The following ANTXR1 variants were observed in gnomAD, a reference collection of about 807,000 sequenced individuals.
ANTXR1 encodes the protein anthrax toxin receptor 1.
ANTXR1 carries 19 observed loss-of-function variants against 78.1 expected under a neutral mutation model. That is an observed-to-expected ratio of 0.24 (90% confidence interval 0.17 to 0.36). The LOEUF (loss-of-function observed/expected upper bound fraction) is 0.36. Ranked by LOEUF, ANTXR1 falls within the 10% of genes least tolerant of loss-of-function variation. ANTXR1 has a pLI of 1.00. For synonymous variants in ANTXR1, 273 were observed against 260.5 expected (o/e 1.05, Z -0.46); for missense variants, 518 against 718.6 (o/e 0.72, Z 3.19).
At chr2:69,108,589 A>C (rs917620604) in intron 10 of ANTXR1, among the ~76,000 whole-genome samples, 2 of 152,156 alleles carry the variant, frequency 1.3e-5, no homozygotes, top group Non-Finnish European at 2.9e-5. Context: ...AGTACCCATT[A>C]GTTATTTTTC....
At chr2:69,220,807 G>C (rs1165055699) in intron 17 of ANTXR1, among the ~76,000 whole-genome samples, 1 of 152,184 alleles carries the variant, frequency 6.6e-6, no homozygotes, top group African/African-American at 2.4e-5. Flanking sequence ...CTAAAGGATG[G>C]AACAGTTGAC....
intron 9 of ANTXR1, among the ~76,000 whole-genome samples, chr2:69,096,282 A>AAGGGAGGAAGGGAGGAAGGG: frequency 2.9e-5 from 1 of 34,640 alleles, no homozygotes; most frequent in South Asian, 8.4e-4. Flanking sequence ...GGAAGGAAGG[A>AAGGGAGGAAGGGAGGAAGGG]AGGAAGGGAG....
intron 8 of ANTXR1, among the ~76,000 whole-genome samples, chr2:69,089,631 A>C (rs1671163242): frequency 6.6e-6 from 1 of 152,222 alleles, no homozygotes; most frequent in Non-Finnish European, 1.5e-5. Flanking sequence ...TATATCACTT[A>C]AGCTGTAACA....
intron 9 of ANTXR1, among the ~76,000 whole-genome samples, chr2:69,096,306 G>A (rs7582431): frequency 0.62 from 10,443 of 16,790 alleles, 3,337 homozygotes; most frequent in East Asian, 0.79. Context: ...GGGAGGAAGG[G>A]AGGAAGGGAG....
rs564324055 is a variant in ANTXR1, at chr2:69,173,295, C to T, written c.1089+3006C>T. Among the ~76,000 whole-genome samples the T allele has an allele frequency of 2.0e-4, 30 of 152,312 alleles. No individual in the cohort carries two copies. In the South Asian group the frequency reaches 3.3e-3, roughly 17 times the overall value. ...TGTACAGAGCCCTCTCTCCTGACTC[C>T]ATCTGATATTTCTAGTCTTCATTTC... is the stretch of plus-strand genomic sequence containing the variant. On this transcript the variant is annotated intron_variant, in intron 14 of 17. Coordinates refer to ENST00000303714, the MANE Select transcript of ANTXR1 (RefSeq NM_032208.3).
At chr2:69,106,706 C>T (rs1671818710) in intron 10 of ANTXR1, among the ~76,000 whole-genome samples, 1 of 152,240 alleles carries the variant, frequency 6.6e-6, no homozygotes, top group Non-Finnish European at 1.5e-5. Flanking sequence ...TCTTCCTGAT[C>T]TCTGTGGCCC....
intron 10 of ANTXR1, among the ~76,000 whole-genome samples, chr2:69,116,461 T>C (rs1395555106): frequency 6.6e-6 from 1 of 152,234 alleles, no homozygotes; most frequent in Non-Finnish European, 1.5e-5. Context: ...GAGGTAGAAA[T>C]ATTCAGCCTA....
At chr2:69,176,672 T>C (rs182955651) in intron 14 of ANTXR1, among the ~76,000 whole-genome samples, 1 of 152,352 alleles carries the variant, frequency 6.6e-6, no homozygotes, top group East Asian at 1.9e-4. Flanking sequence ...TCAATGATAG[T>C]TGCTTGAGTT....
At chr2:69,026,273 G>C (rs980764119) in intron 1 of ANTXR1, among the ~76,000 whole-genome samples, 1 of 152,176 alleles carries the variant, frequency 6.6e-6, no homozygotes, top group Non-Finnish European at 1.5e-5. Flanking sequence ...GACCACCTGG[G>C]TTCAAATCTC....
At chr2:69,240,837 C>G (rs1320543706) in intron 17 of ANTXR1, among the ~76,000 whole-genome samples, 1 of 151,940 alleles carries the variant, frequency 6.6e-6, no homozygotes, top group East Asian at 1.9e-4. Context: ...AATGAAAATA[C>G]TGATACATAA....
intron 12 of ANTXR1, among the ~76,000 whole-genome samples, chr2:69,137,751 C>T (rs1672955524): frequency 6.7e-6 from 1 of 148,574 alleles, no homozygotes; most frequent in African/African-American, 2.5e-5. Flanking sequence ...ATTGCACCAC[C>T]CTATGCTGTG....
At chr2:69,219,206 G>A (rs1451003201) in intron 17 of ANTXR1, among the ~76,000 whole-genome samples, 4 of 152,204 alleles carry the variant, frequency 2.6e-5, no homozygotes, top group South Asian at 4.2e-4. Flanking sequence ...TTTGATTTGG[G>A]GTTGATTTAG....
intron 12 of ANTXR1, among the ~76,000 whole-genome samples, chr2:69,144,094 G>A (rs1673149446): frequency 6.6e-6 from 1 of 152,196 alleles, no homozygotes; most frequent in Non-Finnish European, 1.5e-5. Context: ...AGTTTTGTCT[G>A]GGCAGGAAAC....
chr2:69,108,979 A>G (rs1671895405), intron 10 of ANTXR1, among the ~76,000 whole-genome samples: 1 of 152,242 alleles, frequency 6.6e-6, no homozygotes, highest in African/African-American at 2.4e-5. Context: ...GAAGAGTTAG[A>G]AAGCCATAGA....
intron 17 of ANTXR1, among the ~76,000 whole-genome samples, chr2:69,228,527 T>C (rs1308384567): frequency 1.3e-5 from 2 of 151,936 alleles, no homozygotes; most frequent in Non-Finnish European, 2.9e-5. Flanking sequence ...CCTGGGAAAA[T>C]TACGCAGCCC....
chr2:69,219,389 ACACAC>A (rs1675261362), intron 17 of ANTXR1, among the ~76,000 whole-genome samples: 1 of 137,550 alleles, frequency 7.3e-6, no homozygotes, highest in African/African-American at 3.4e-5. Context: ...AGGAGGACAC[ACACAC>A]ACACACACAC....
intron 17 of ANTXR1, among the ~76,000 whole-genome samples, chr2:69,226,522 A>C (rs1200582763): frequency 6.6e-6 from 1 of 152,202 alleles, no homozygotes; most frequent in African/African-American, 2.4e-5. Flanking sequence ...AGAAGTAAGA[A>C]ATGCTGCAAG....
chr2:69,245,452 T>TC lies in ANTXR1; in HGVS notation c.1665dup (p.Ser556LeufsTer27). The TC allele has an allele frequency of 6.7e-7, 1 of 1,498,324 alleles. No individual in the cohort carries two copies. The highest frequency in any genetic ancestry group is 9.1e-7 in the Non-Finnish European group (1 of 1,098,864). The allele number at this position is 1,498,324 out of a possible 1,614,324, so 92.8% of individuals were successfully genotyped here. On this transcript the variant is annotated frameshift_variant, in exon 18 of 18. Coordinates refer to ENST00000303714, the MANE Select transcript of ANTXR1 (RefSeq NM_032208.3). LOFTEE classifies it high-confidence loss of function. ...CTCCACCTCCCAACAGGGCACCTCC[T>TC]CCCTCCCGCCCTCCTCCAAGGCCTT... is the stretch of plus-strand genomic sequence containing the variant.
At chr2:69,082,405 T>C (rs1670923509) in intron 8 of ANTXR1, among the ~76,000 whole-genome samples, 1 of 150,422 alleles carries the variant, frequency 6.6e-6, no homozygotes. Context: ...GGCTGGAAGA[T>C]TGTAGCCCTT....
Sources: gnomAD v4.1 joint callset for allele counts (sites outside exome capture counted in the v4.1 genomes callset) on GRCh38, gnomAD v4.1.1 for gene constraint, MANE v1.5 for transcripts, NCBI Gene and HGNC (gene_info 2026-07-23, HGNC 2026-07-21) for gene names.